Variants in NME2 observed in about 807,000 individuals in gnomAD.
NME2 encodes NME/NM23 nucleoside diphosphate kinase 2, also known as nucleoside diphosphate kinase B.
Under a neutral mutation model 17.8 loss-of-function variants are expected in NME2, and 18 were observed. That is an observed-to-expected ratio of 1.01 (90% CI 0.70 to 1.50). NME2 has a LOEUF of 1.50. Among genes scored for constraint, NME2 ranks in the 40% most tolerant of loss-of-function variants. The probability of loss-of-function intolerance (pLI) is 0.00; values close to 1 mark genes in which losing one functional copy is unlikely to be tolerated. For missense variants in NME2, 161 were observed against 195.6 expected, an observed-to-expected ratio of 0.82 and a Z score of 1.05; for synonymous variants, 74 against 71.4, an observed-to-expected ratio of 1.04 and a Z score of -0.19.
chr17:51,171,643 G>T lies in NME2; in HGVS notation c.*39G>T, dbSNP rs1284618157. The T allele has an allele frequency of 1.4e-6, 2 of 1,457,278 alleles. No individual in the cohort carries two copies. The highest frequency in any genetic ancestry group is 9.6e-7 in the Non-Finnish European group (1 of 1,039,398). 90.3% of individuals were successfully genotyped at this position (1,457,278 alleles called of 1,614,324 possible). On this transcript the variant is annotated 3_prime_UTR_variant, in exon 5 of 5. Coordinates refer to ENST00000512737, the MANE Select transcript of NME2 (RefSeq NM_002512.4). ...CAGCAGTCTCCTTCAGCACGGCGTG[G>T]TGTGTCCCTGGACACAGCTCTTCAT... is the stretch of plus-strand genomic sequence containing the variant.
chr17:51,171,287 G>A (rs1350807244), intron 4 of NME2, among the ~76,000 whole-genome samples, 200 bp from the exon 5 acceptor site: 1 of 152,152 alleles, frequency 6.6e-6, no homozygotes, highest in African/African-American at 2.4e-5. Flanking sequence ...TAATACAGTT[G>A]AAACAAGGAA....
chr17:51,167,537 G>A (rs960368550), intron 2 of NME2, among the ~76,000 whole-genome samples: 17 of 152,208 alleles, frequency 1.1e-4, no homozygotes, highest in African/African-American at 4.1e-4. Flanking sequence ...GAGTAGCCCA[G>A]GGGAGTTTAA....
chr17:51,167,870 G>T (rs557147433), intron 2 of NME2: 5 of 155,746 alleles, frequency 3.2e-5, no homozygotes, highest in African/African-American at 1.2e-4. Context: ...TGCATCTGTA[G>T]TTCCAGCTAC....
intron 3 of NME2, among the ~76,000 whole-genome samples, chr17:51,169,041 A>G (rs879927903): frequency 1.3e-5 from 2 of 152,102 alleles, no homozygotes; most frequent in Admixed American, 6.6e-5. Context: ...ACTTTATCCT[A>G]TTTTCTCATG....
At position 51,168,401 on chromosome 17, in the gene NME2, A is replaced by T. The variant is rs566804117; in HGVS notation, c.228+58A>T. 2.4e-5 allele frequency: 37 copies of T among 1,554,138 alleles called. No homozygotes were observed. The Admixed American group carries it at 3.2e-4, about 14-fold the overall frequency. Reference sequence around the variant, plus strand: ...GAAAAAGTGCTCAGTGTTCTTTGTTAGACATCTCCCTCAGCTAATCTAAAT... The same window carrying T: ...GAAAAAGTGCTCAGTGTTCTTTGTTTGACATCTCCCTCAGCTAATCTAAAT... On this transcript the variant is annotated intron_variant, in intron 3 of 4. Transcript: ENST00000512737.
chr17:51,166,812 C>G lies in NME2; in HGVS notation c.-4-15C>G, dbSNP rs199806386. Reference sequence around the variant, plus strand: ...AGCCTGCGCCCGGGCCCTGACCGCACCTCTCGCCCCGCAGGACCATGGCCA... The same window carrying G: ...AGCCTGCGCCCGGGCCCTGACCGCAGCTCTCGCCCCGCAGGACCATGGCCA... On this transcript the variant is annotated splice_polypyrimidine_tract_variant and intron_variant, in intron 1 of 4. Coordinates refer to ENST00000512737, the MANE Select transcript of NME2 (RefSeq NM_002512.4). The G allele has an allele frequency of 1.2e-6, 2 of 1,604,740 alleles. No individual in the cohort carries two copies. Among genetic ancestry groups the G allele is most frequent in the Non-Finnish European group, 1.7e-6 (2 of 1,176,178 alleles).
At chr17:51,170,835 A>G (rs2050056661) in intron 4 of NME2, among the ~76,000 whole-genome samples, 1 of 151,600 alleles carries the variant, frequency 6.6e-6, no homozygotes, top group South Asian at 2.1e-4. Context: ...TCCCTAGGTT[A>G]CTTAATTTTA....
chr17:51,170,601 C>G (rs1598253576), intron 4 of NME2, among the ~76,000 whole-genome samples: 1 of 151,400 alleles, frequency 6.6e-6, no homozygotes, highest in Non-Finnish European at 1.5e-5. Context: ...CAGCCTGGAG[C>G]CTGGCCAACA....
chr17:51,166,093 A>C (rs1568125020), upstream of NME2, among the ~76,000 whole-genome samples: 1 of 148,742 alleles, frequency 6.7e-6, no homozygotes, highest in Non-Finnish European at 1.5e-5. Flanking sequence ...CGGGGTAGAG[A>C]ACTCGAGCAC....
intron 2 of NME2, chr17:51,167,171 A>G: frequency 9.5e-7 from 1 of 1,054,246 alleles, no homozygotes; most frequent in Non-Finnish European, 1.3e-6. Context: ...TGGTAGCGTG[A>G]CTCGCCCTCC....
At chr17:51,168,474 G>A (rs1568126756) in intron 3 of NME2, 131 bp downstream of exon 3, 1 of 877,646 alleles carries the variant, frequency 1.1e-6, no homozygotes, top group Non-Finnish European at 1.7e-6. Context: ...TGAGCAACTA[G>A]GAGCTTGGGA....
At chr17:51,169,314 G>C (rs1568127184) in intron 3 of NME2, 1 of 151,932 alleles carries the variant, frequency 6.6e-6, no homozygotes, top group African/African-American at 2.4e-5. Context: ...ATGGTGGCGT[G>C]TGCCTGTAAT....
intron 3 of NME2, among the ~76,000 whole-genome samples, chr17:51,168,766 C>G (rs891228274): frequency 2.6e-5 from 4 of 151,960 alleles, no homozygotes; most frequent in African/African-American, 9.7e-5. Flanking sequence ...ATTTTCGGGC[C>G]AGGCTTGGTG....
At chr17:51,170,682 G>A (rs897522958) in intron 4 of NME2, among the ~76,000 whole-genome samples, 1 of 151,050 alleles carries the variant, frequency 6.6e-6, no homozygotes, top group African/African-American at 2.4e-5. Context: ...AGCTACTCAG[G>A]AGGCTGAGAC....
chr17:51,167,611 C>T (rs1349422589), intron 2 of NME2, among the ~76,000 whole-genome samples: 3 of 151,574 alleles, frequency 2.0e-5, no homozygotes, highest in Admixed American at 2.0e-4. Flanking sequence ...ATTTAATTCC[C>T]TAAATCTAGA....
chr17:51,167,369 T>TCCAGTGCGG (rs1181337408), intron 2 of NME2: 3 of 268,968 alleles, frequency 1.1e-5, no homozygotes, highest in African/African-American at 7.1e-5. Context: ...TGCTCCTCCT[T>TCCAGTGCGG]TAGCATAGGG....
chr17:51,169,582 C>T (rs2050024247), intron 3 of NME2: 1 of 183,466 alleles, frequency 5.5e-6, no homozygotes, highest in Non-Finnish European at 1.1e-5. Context: ...TCTTTCTTTT[C>T]CCTCTTCTAG....
At chr17:51,170,787 C>CAAAAAA (rs34260519) in intron 4 of NME2, among the ~76,000 whole-genome samples, 1 of 64,342 alleles carries the variant, frequency 1.6e-5, no homozygotes. Flanking sequence ...AACTCCGTCT[C>CAAAAAA]AAAAAAAAAA....
intron 1 of NME2, 79 bp downstream of exon 1, chr17:51,166,576 T>A: frequency 3.8e-6 from 1 of 265,708 alleles, no homozygotes; most frequent in Non-Finnish European, 6.9e-6. Context: ...GGGCCCGGTC[T>A]GTGGGCGCCC....
Sources: allele counts gnomAD v4.1 joint callset (sites outside exome capture counted in the v4.1 genomes callset), GRCh38; gene constraint gnomAD v4.1.1; transcripts MANE v1.5; gene names NCBI Gene and HGNC (gene_info 2026-07-23, HGNC 2026-07-21).